The following PNKD variants were observed in gnomAD, a reference collection of about 807,000 sequenced individuals.
The protein encoded by PNKD is PNKD metallo-beta-lactamase domain containing.
A neutral mutation model predicts 45.3 loss-of-function variants in PNKD; 36 were observed. The observed-to-expected ratio is 0.80, with a 90% CI of 0.61 to 1.05. PNKD has a LOEUF of 1.05. Among genes scored for constraint, PNKD ranks in the 50% least tolerant of loss-of-function variants. The pLI, the probability that PNKD is intolerant of heterozygous loss-of-function variation, is 0.00. For missense variants in PNKD, 511 were observed against 506.6 expected, an observed-to-expected ratio of 1.01 and a Z score of -0.08; for synonymous variants, 197 against 210.1, an observed-to-expected ratio of 0.94 and a Z score of 0.54.
chr2:218,272,832 C>T (rs1690905131), intron 2 of PNKD: 2 of 1,611,556 alleles, frequency 1.2e-6, no homozygotes, highest in East Asian at 2.2e-5. Context: ...CAGTTCGTGC[C>T]TCTGAGGTCC....
At chr2:218,283,717 C>A (rs1692251233) in intron 2 of PNKD, among the ~76,000 whole-genome samples, 1 of 152,110 alleles carries the variant, frequency 6.6e-6, no homozygotes, top group Admixed American at 6.5e-5. Flanking sequence ...TCTTTTATGA[C>A]AACTGGGATA....
intron 2 of PNKD, among the ~76,000 whole-genome samples, chr2:218,313,147 A>G (rs1233353855): frequency 6.6e-6 from 1 of 150,676 alleles, no homozygotes; most frequent in Non-Finnish European, 1.5e-5. Flanking sequence ...TCTGTCGCCC[A>G]GGTTGCAGGC....
In PNKD at chr2:218,315,128, T is replaced by C. The variant is rs58564060; in HGVS notation, c.237-24655T>C. 4.0e-4 allele frequency among the ~76,000 whole-genome samples: 55 copies of C among 137,184 alleles called. 1 individual carries two copies. The highest frequency in any genetic ancestry group is 1.6e-3 in the African/African-American group (49 of 30,862). 90.0% of individuals were successfully genotyped at this position (137,184 alleles called of 152,430 possible). The stretch of plus-strand genomic sequence containing the variant: ...TCCTTCCTTCCTTCCTTCCTTTCTT[T>C]CTTTCTTTCTTTCTTTCTTCTTTCT... On this transcript the variant is annotated intron_variant, in intron 2 of 9. Transcript: ENST00000273077.
chr2:218,299,313 T>G (rs1264798707), intron 2 of PNKD, among the ~76,000 whole-genome samples: 1 of 152,068 alleles, frequency 6.6e-6, no homozygotes, highest in African/African-American at 2.4e-5. Context: ...AGCTAATTTT[T>G]GTATTTTTAG....
chr2:218,313,246 G>A (rs1197515293), intron 2 of PNKD, among the ~76,000 whole-genome samples: 1 of 152,032 alleles, frequency 6.6e-6, no homozygotes, highest in Non-Finnish European at 1.5e-5. Flanking sequence ...GAGTAGCTGG[G>A]ACTACAGGTG....
chr2:218,314,842 A>C (rs924351351), intron 2 of PNKD, among the ~76,000 whole-genome samples: 3 of 151,782 alleles, frequency 2.0e-5, no homozygotes, highest in Non-Finnish European at 4.4e-5. Context: ...GACGCCTGCC[A>C]CCATGCCCTG....
chr2:218,312,317 G>A (rs1407599238), intron 2 of PNKD, among the ~76,000 whole-genome samples: 5 of 152,072 alleles, frequency 3.3e-5, no homozygotes, highest in Admixed American at 2.6e-4. Context: ...CCTGTGATTT[G>A]TACTATATAA....
chr2:218,281,885 CTGCTCCAAGTG>C, intron 2 of PNKD: 3 of 1,450,800 alleles, frequency 2.1e-6, no homozygotes, highest in Non-Finnish European at 2.8e-6. Context: ...GTGGCCTCAT[CTGCTCCAAGTG>C]CTGTCCCTCC....
chr2:218,322,900 G>T (rs1488734252), intron 2 of PNKD, among the ~76,000 whole-genome samples: 4 of 152,242 alleles, frequency 2.6e-5, no homozygotes, highest in Non-Finnish European at 5.9e-5. Context: ...TCAGGTTTCT[G>T]CCAGTTGAGA....
chr2:218,344,488 C>T lies in PNKD; in HGVS notation c.902C>T (p.Ala301Val), dbSNP rs2106298348. 1 of 1,588,704 alleles carries T rather than the reference C, an allele frequency of 6.3e-7. No individual in the cohort carries two copies. Among genetic ancestry groups the T allele is most frequent in the South Asian group, 1.1e-5 (1 of 87,332 alleles). ...HEYAEENLGF[A>V]GVVEPENLAR... ...TATGCAGAGGAGAACCTGGGCTTTG[C>T]AGGTGTGGTGGAGCCCGAGAACCTG... Residue 301 changes from alanine (A) to valine (V), a missense_variant, in exon 9 of 10, where the codon GCA (alanine) becomes GTA (valine). By Grantham distance (64) the Ala-to-Val change is moderately conservative. Transcript: ENST00000273077.
intron 2 of PNKD, among the ~76,000 whole-genome samples, chr2:218,319,196 G>A (rs147771007): frequency 0.013 from 1,924 of 151,000 alleles, 17 homozygotes; most frequent in Non-Finnish European, 0.019. Context: ...CTTGTGATCC[G>A]CCCTCATCAG....
At chr2:218,292,634 G>A (rs1422407795) in intron 2 of PNKD, 1 of 152,046 alleles carries the variant, frequency 6.6e-6, no homozygotes, top group African/African-American at 2.4e-5. Context: ...CCGGGCGCGC[G>A]CGCCTCTCAG....
intron 2 of PNKD, among the ~76,000 whole-genome samples, chr2:218,294,427 T>A (rs571511573): frequency 1.3e-5 from 2 of 152,350 alleles, no homozygotes; most frequent in Admixed American, 6.5e-5. Flanking sequence ...AGGCTCCCTC[T>A]GCTTCACAGA....
At chr2:218,277,661 T>C (rs1419031126) in intron 2 of PNKD, 1 of 1,614,132 alleles carries the variant, frequency 6.2e-7, no homozygotes. Flanking sequence ...ATGAAGCCCA[T>C]GGCAAAAGTC....
intron 2 of PNKD, chr2:218,280,183 C>A: frequency 8.0e-7 from 1 of 1,245,138 alleles, no homozygotes; most frequent in Non-Finnish European, 1.2e-6. Context: ...GCGTCAATCC[C>A]AAAGCCTCCC....
At chr2:218,291,761 T>G (rs762699294) in intron 2 of PNKD, among the ~76,000 whole-genome samples, 3 of 152,080 alleles carry the variant, frequency 2.0e-5, no homozygotes, top group Non-Finnish European at 2.9e-5. Flanking sequence ...TTGTTTTCAC[T>G]CTAACCCAAA....
At chr2:218,277,341 AGGGAAGG>A in intron 2 of PNKD, 1 of 1,607,246 alleles carries the variant, frequency 6.2e-7, no homozygotes, top group Admixed American at 1.7e-5. Context: ...TCGGGGGGCC[AGGGAAGG>A]GCCCTCCATG....
chr2:218,340,035 A>T lies in PNKD; in HGVS notation c.359A>T (p.Lys120Met). The change falls in exon 4 of 10, where the codon AAG becomes ATG. Residue 120 changes from lysine to methionine, a missense_variant. Physicochemically the swap from Lys to Met is moderately conservative, Grantham distance 95. Coordinates refer to ENST00000273077, the MANE Select transcript of PNKD (RefSeq NM_015488.5). The surrounding 1 kb of genome is among the most constrained non-coding windows in gnomAD (Gnocchi z 4.2). ...KTQPRLFNGV[K>M]VLPIPVLSDN... The stretch of plus-strand genomic sequence containing the variant: ...AGCCCATCTCTGTCCCCAGGAGTGA[A>T]GGTGCTTCCCATCCCTGTCCTCTCG... 6.2e-7 allele frequency: 1 copy of T among 1,608,972 alleles called. No homozygotes were observed. The highest frequency in any genetic ancestry group is 1.3e-5 in the African/African-American group (1 of 74,888).
intron 2 of PNKD, among the ~76,000 whole-genome samples, chr2:218,329,050 G>A (rs1694237236): frequency 6.6e-6 from 1 of 152,058 alleles, no homozygotes; most frequent in Admixed American, 6.6e-5. Context: ...TCTACTAAAA[G>A]ATACAAAAAT....
Sources: allele counts gnomAD v4.1 joint callset (sites outside exome capture counted in the v4.1 genomes callset), GRCh38; gene constraint gnomAD v4.1.1; non-coding constraint Gnocchi (gnomAD v3.1); transcripts MANE v1.5; gene names NCBI Gene and HGNC (gene_info 2026-07-23, HGNC 2026-07-21).